The following TDRD5 variants were observed in gnomAD, a reference collection of about 807,000 sequenced individuals.
TDRD5 encodes tudor domain-containing protein 5.
Under a neutral mutation model 120.6 loss-of-function variants are expected in TDRD5, and 41 were observed. That is an observed-to-expected ratio of 0.34 (90% CI 0.26 to 0.44). The LOEUF (loss-of-function observed/expected upper bound fraction) is 0.44. Among genes scored for constraint, TDRD5 ranks in the 20% least tolerant of loss-of-function variants. The pLI is 1.00. For missense variants in TDRD5, 1,006 were observed against 1,221.2 expected (o/e 0.82, Z 2.63); for synonymous variants, 430 against 433.7 (o/e 0.99, Z 0.11).
At chr1:179,690,655 G>A in intron 17 of TDRD5, 41 bp from the exon 18 acceptor site, 2 of 1,595,294 alleles carry the variant, frequency 1.3e-6, no homozygotes, top group Non-Finnish European at 1.7e-6. Context: ...GTGAGTATGA[G>A]TACCCCTTGA....
intron 11 of TDRD5, among the ~76,000 whole-genome samples, chr1:179,650,454 TA>T (rs1678653117): frequency 6.6e-6 from 1 of 151,188 alleles, no homozygotes; most frequent in African/African-American, 2.4e-5. Flanking sequence ...CAGATACCCT[TA>T]AGACAAAAGA....
intron 14 of TDRD5, among the ~76,000 whole-genome samples, chr1:179,659,940 C>T (rs1237095686): frequency 6.6e-6 from 1 of 152,076 alleles, no homozygotes; most frequent in South Asian, 2.1e-4. Flanking sequence ...AGATGATCTG[C>T]CCACCTTGGC....
At chr1:179,661,582 C>T (rs1323731199) in intron 14 of TDRD5, among the ~76,000 whole-genome samples, 1 of 152,102 alleles carries the variant, frequency 6.6e-6, no homozygotes, top group East Asian at 1.9e-4. Context: ...CTCAGTTTTA[C>T]CCTCCAGAAT....
chr1:179,685,427 C>T (rs375420727), intron 17 of TDRD5, among the ~76,000 whole-genome samples: 69 of 152,218 alleles, frequency 4.5e-4, no homozygotes, highest in East Asian at 2.3e-3. Context: ...ACCAGTACCA[C>T]GCTGTTTTGG....
At chr1:179,634,739 T>C in intron 8 of TDRD5, 110 bp downstream of exon 8, 2 of 1,235,942 alleles carry the variant, frequency 1.6e-6, no homozygotes, top group Non-Finnish European at 2.2e-6. Context: ...TTTCTGGATA[T>C]ATCATTTATT....
rs1220280355 is a variant in TDRD5 at position 179,646,864 on chromosome 1, A to C, written c.1801-4003A>C. On this transcript the variant is annotated intron_variant, in intron 11 of 17. Coordinates refer to ENST00000444136, the MANE Select transcript of TDRD5 (RefSeq NM_001199085.3). ...TCCCATCCACAATTGCTTCAAAGAG[A>C]ATAAAATACCTAGGAATCCAACTTA... Among the ~76,000 whole-genome samples, 82 of 151,956 alleles carry C rather than the reference A, an allele frequency of 5.4e-4. No homozygotes were observed. In the East Asian group the frequency reaches 0.016, roughly 29 times the overall value.
chr1:179,619,440 C>A (rs1395604150), intron 5 of TDRD5, among the ~76,000 whole-genome samples: 1 of 152,194 alleles, frequency 6.6e-6, no homozygotes. Flanking sequence ...TTTGTGGGAG[C>A]TGTTAATCCT....
At chr1:179,662,996 A>G (rs1294621140) in intron 15 of TDRD5, among the ~76,000 whole-genome samples, 2 of 152,114 alleles carry the variant, frequency 1.3e-5, no homozygotes, top group East Asian at 3.9e-4. Context: ...TATATTTGAA[A>G]TTTATTTTCC....
chr1:179,652,058 C>G lies in TDRD5; in HGVS notation c.2021C>G (p.Pro674Arg), dbSNP rs368329272. The change falls in exon 13 of 18, where the codon CCT (proline) becomes CGT (arginine). Residue 674 changes from proline to arginine, a missense_variant. Pro to Arg is a moderately radical substitution (Grantham distance 103). Transcript: ENST00000444136. ...ISSKGFSELN[P>R]LALYTTSSGG... ...TCTTAGGGTTTCAGTGAGCTCAACCCTTTAGCTTTATACACGACATCCAGT... is the reference window on the plus strand; with the variant it reads ...TCTTAGGGTTTCAGTGAGCTCAACCGTTTAGCTTTATACACGACATCCAGT... 30 of 1,613,464 alleles carry G rather than the reference C, an allele frequency of 1.9e-5. No homozygotes were observed. The highest frequency in any genetic ancestry group is 2.5e-5 in the Non-Finnish European group (30 of 1,179,880).
At chr1:179,621,333 T>C (rs1676833160) in intron 6 of TDRD5, among the ~76,000 whole-genome samples, 1 of 152,094 alleles carries the variant, frequency 6.6e-6, no homozygotes, top group Non-Finnish European at 1.5e-5. Context: ...GATTATCCCA[T>C]TAATGTTTGA....
chr1:179,621,298 A>G (rs940151189), intron 6 of TDRD5, among the ~76,000 whole-genome samples: 2 of 152,106 alleles, frequency 1.3e-5, no homozygotes, highest in Non-Finnish European at 2.9e-5. Flanking sequence ...TTTACCACTT[A>G]TTGTTATAAT....
intron 11 of TDRD5, among the ~76,000 whole-genome samples, chr1:179,642,556 A>G (rs571520718): frequency 8.5e-5 from 13 of 152,348 alleles, no homozygotes; most frequent in Non-Finnish European, 1.5e-4. Flanking sequence ...TTGACCTGAC[A>G]ATTAAAAATG....
chr1:179,654,452 A>G (rs1389261791), intron 14 of TDRD5, 90 bp downstream of exon 14: 10 of 1,303,258 alleles, frequency 7.7e-6, no homozygotes, highest in Non-Finnish European at 1.0e-5. Context: ...CTCTGTTTAA[A>G]CCCCACTGCT....
chr1:179,613,315 G>T (rs541164008), intron 4 of TDRD5, among the ~76,000 whole-genome samples: 4 of 152,054 alleles, frequency 2.6e-5, no homozygotes, highest in Non-Finnish European at 4.4e-5. Flanking sequence ...TTCTCTGGGG[G>T]TTATATTCTC....
chr1:179,640,565 G>A, intron 11 of TDRD5, 120 bp downstream of exon 11: 1 of 1,024,698 alleles, frequency 9.8e-7, no homozygotes, highest in Non-Finnish European at 1.5e-6. Flanking sequence ...AAAGAAGTCA[G>A]TGTATAGAGT....
chr1:179,614,890 A>G (rs1266348784), intron 4 of TDRD5, among the ~76,000 whole-genome samples: 1 of 152,098 alleles, frequency 6.6e-6, no homozygotes, highest in Non-Finnish European at 1.5e-5. Flanking sequence ...ATTTTTTGTG[A>G]TGAGAACACT....
At chr1:179,597,814 T>C (rs997615248) in intron 4 of TDRD5, among the ~76,000 whole-genome samples, 1 of 151,644 alleles carries the variant, frequency 6.6e-6, no homozygotes, top group African/African-American at 2.4e-5. Context: ...CAGTTATTCC[T>C]TATTAATTTG....
In TDRD5 at chr1:179,669,211, T is replaced by G; in HGVS notation, c.2667T>G (p.Gly889=). Residue 889 remains glycine, a synonymous_variant, in exon 17 of 18, where the codon GGT becomes GGG. Transcript: ENST00000444136. ...TTCTGCAGCAACTAGACATAAATGGTTCTTCAGATTCTTCCACACTGCCCA... is the reference window on the plus strand; with the variant it reads ...TTCTGCAGCAACTAGACATAAATGGGTCTTCAGATTCTTCCACACTGCCCA... ...NRTQKQLDIN[G]SSDSSTLPKL... 6.2e-7 allele frequency: 1 copy of G among 1,613,632 alleles called. No individual in the cohort carries two copies. Among genetic ancestry groups the G allele is most frequent in the Non-Finnish European group, 8.5e-7 (1 of 1,179,834 alleles).
intron 17 of TDRD5, among the ~76,000 whole-genome samples, chr1:179,686,989 A>G (rs1395165493): frequency 1.3e-5 from 2 of 152,110 alleles, no homozygotes; most frequent in African/African-American, 4.8e-5. Context: ...TTTTCAAAAA[A>G]CCAGCTCCTG....
Sources: allele counts gnomAD v4.1 joint callset (sites outside exome capture counted in the v4.1 genomes callset), GRCh38; gene constraint gnomAD v4.1.1; transcripts MANE v1.5; gene names NCBI Gene and HGNC (gene_info 2026-07-23, HGNC 2026-07-21).